BTNL3: variants seen among roughly 807,000 people sequenced by gnomAD.
BTNL3 encodes the protein butyrophilin like 3, also known as butyrophilin-like protein 3.
A neutral mutation model predicts 40.1 loss-of-function variants in BTNL3; 20 were observed. The ratio of observed to expected loss-of-function variants is 0.50; its 90% CI spans 0.35 to 0.72. The LOEUF is 0.72. Ranked by LOEUF, BTNL3 falls within the 30% of genes least tolerant of loss-of-function variation. The pLI, the probability that BTNL3 is intolerant of heterozygous loss-of-function variation, is 0.01. For missense variants in BTNL3, 449 were observed against 582.2 expected (o/e 0.77, Z 2.35); for synonymous variants, 179 against 222.1 (o/e 0.81, Z 1.73).
In BTNL3 at chr5:180,996,488, G is replaced by A. The variant is rs1204785374; in HGVS notation, c.398-725G>A. ...CTGGTCTACAGTTCTTAAAGTGGCT[G>A]TGGGCAAGTCCACGTTGCTCAGGTC... On this transcript the variant is annotated intron_variant, in intron 2 of 7. Coordinates refer to ENST00000342868, the MANE Select transcript of BTNL3 (RefSeq NM_197975.3). Among the ~76,000 whole-genome samples, 4 of 136,860 alleles carry A rather than the reference G, an allele frequency of 2.9e-5. 1 individual carries two copies. Among genetic ancestry groups the A allele is most frequent in the East Asian group, 2.2e-4 (1 of 4,590 alleles). The allele number at this position is 136,860 out of a possible 152,430, so 89.8% of individuals were successfully genotyped here.
At position 181,005,737 on chromosome 5, in the gene BTNL3, T is replaced by C. The variant is rs766449997; in HGVS notation, c.1266T>C (p.Asn422=). The change falls in exon 8 of 8, where the codon AAT becomes AAC. Residue 422 remains asparagine (N), a synonymous_variant. Transcript: ENST00000342868. ...DYEGGTISFF[N]TNDQSLIYTL... Reference sequence around the variant, plus strand: ...AGGGTGGGACCATCTCCTTCTTCAATACAAATGACCAGTCCCTTATTTATA... The same window carrying C: ...AGGGTGGGACCATCTCCTTCTTCAACACAAATGACCAGTCCCTTATTTATA... 1.4e-5 allele frequency: 22 copies of C among 1,613,984 alleles called. No individual in the cohort carries two copies. In the African/African-American group the frequency reaches 1.9e-4, roughly 14 times the overall value.
In BTNL3 at chr5:181,006,072, G is replaced by T. The variant is rs1259254313; in HGVS notation, c.*200G>T. On this transcript the variant is annotated 3_prime_UTR_variant, in exon 8 of 8. Coordinates refer to ENST00000342868, the MANE Select transcript of BTNL3 (RefSeq NM_197975.3). Reference sequence around the variant, plus strand: ...CAGTCACAGCTTCCAGATGAGGGGGGATTGGCCTGACCCTGTGGGAGTCAG... The same window carrying T: ...CAGTCACAGCTTCCAGATGAGGGGGTATTGGCCTGACCCTGTGGGAGTCAG... 5.1e-6 allele frequency: 3 copies of T among 591,220 alleles called. No individual in the cohort carries two copies. Among genetic ancestry groups the T allele is most frequent in the East Asian group, 5.7e-5 (2 of 35,154 alleles). 36.6% of individuals were successfully genotyped at this position (591,220 alleles called of 1,614,324 possible).
intron 7 of BTNL3, 60 bp from the exon 8 acceptor site, chr5:181,005,274 C>T (rs1760200190): frequency 1.9e-6 from 3 of 1,596,422 alleles, no homozygotes; most frequent in Non-Finnish European, 2.6e-6. Flanking sequence ...CGACCTCTTG[C>T]TCCAGCCCAG....
chr5:180,993,199 C>T, intron 2 of BTNL3, 39 bp downstream of exon 2: 1 of 1,401,314 alleles, frequency 7.1e-7, no homozygotes, highest in Non-Finnish European at 9.7e-7. Flanking sequence ...CTTGTAAAGT[C>T]ATGCTACCAT....
intron 6 of BTNL3, 132 bp downstream of exon 6, chr5:181,004,575 C>T (rs983582168): frequency 3.3e-6 from 5 of 1,533,826 alleles, no homozygotes; most frequent in African/African-American, 2.7e-5. Flanking sequence ...ATTGCAGATT[C>T]TGGGGGAGGT....
chr5:180,999,832 T>C (rs1011630846), intron 3 of BTNL3, among the ~76,000 whole-genome samples: 1 of 135,110 alleles, frequency 7.4e-6, no homozygotes, highest in African/African-American at 2.5e-5. Context: ...AAACGTAAAA[T>C]ACAAAATCCG....
At chr5:180,992,361 T>C (rs1189401213) in intron 1 of BTNL3, among the ~76,000 whole-genome samples, 4 of 137,572 alleles carry the variant, frequency 2.9e-5, no homozygotes, top group Non-Finnish European at 6.7e-5. Context: ...AAATTCGATA[T>C]TTTATGGCCA....
At position 180,992,854 on chromosome 5, in the gene BTNL3, T is replaced by C; in HGVS notation, c.91T>C (p.Leu31=). The C allele has an allele frequency of 6.8e-7, 1 of 1,462,976 alleles. No homozygotes were observed. The highest frequency in any genetic ancestry group is 1.1e-5 in the South Asian group (1 of 89,280). The allele number at this position is 1,462,976 out of a possible 1,614,324, so 90.6% of individuals were successfully genotyped here. The change falls in exon 2 of 8, where the codon TTG becomes CTG. Residue 31 remains leucine, a synonymous_variant. Coordinates refer to ENST00000342868, the MANE Select transcript of BTNL3 (RefSeq NM_197975.3). ...VTGPGKFVQA[L]VGEDAVFSCS... ...TGGACCGGGCAAGTTTGTCCAGGCC[T>C]TGGTGGGGGAGGACGCCGTGTTCTC... is the stretch of plus-strand genomic sequence containing the variant.
chr5:180,999,040 T>C (rs1760071539), intron 3 of BTNL3, among the ~76,000 whole-genome samples: 1 of 136,036 alleles, frequency 7.4e-6, no homozygotes, highest in Admixed American at 7.8e-5. Flanking sequence ...GGCAGGAGAA[T>C]TGCTTGAACC....
rs1463161368 is a variant in BTNL3, at chr5:181,003,480, C to A, written c.788-376C>A. ...TTCATAGAAGAGGAAATAAAACTGA[C>A]TGACTGAGATAAAATGATAATCTCA... On this transcript the variant is annotated intron_variant, in intron 4 of 7. Coordinates refer to ENST00000342868, the MANE Select transcript of BTNL3 (RefSeq NM_197975.3). 4.4e-5 allele frequency among the ~76,000 whole-genome samples: 6 copies of A among 137,390 alleles called. 1 individual carries two copies. In the East Asian group the frequency reaches 1.3e-3, roughly 30 times the overall value. 90.1% of individuals were successfully genotyped at this position (137,390 alleles called of 152,430 possible).
intron 1 of BTNL3, among the ~76,000 whole-genome samples, chr5:180,989,806 T>G (rs1759945338): frequency 7.3e-6 from 1 of 136,634 alleles, no homozygotes; most frequent in Non-Finnish European, 1.7e-5. Context: ...TCCTGCTATT[T>G]GTCTACCTAT....
At position 181,002,746 on chromosome 5, in the gene BTNL3, G is replaced by A; in HGVS notation, c.748G>A (p.Val250Ile). ...LGLLCGALCG[V>I]VMGMIIVFFK... The stretch of plus-strand genomic sequence containing the variant: ...GTTACTCTGTGGTGCCCTGTGTGGT[G>A]TTGTCATGGGGATGATAATTGTTTT... Residue 250 changes from valine to isoleucine, a missense_variant, in exon 4 of 8, where the codon GTT (valine) becomes ATT (isoleucine). Val to Ile is a conservative substitution (Grantham distance 29, BLOSUM62 3). This residue lies in a region of BTNL3 where 323 missense variants were observed against 464.9 expected (regional missense o/e 0.69). Transcript: ENST00000342868. 6.9e-7 allele frequency: 1 copy of A among 1,455,800 alleles called. No homozygotes were observed. The highest frequency in any genetic ancestry group is 9.5e-7 in the Non-Finnish European group (1 of 1,055,050). 90.2% of individuals were successfully genotyped at this position (1,455,800 alleles called of 1,614,324 possible).
At chr5:181,002,376 G>A (rs866810564) in intron 3 of BTNL3, among the ~76,000 whole-genome samples, 1 of 81,596 alleles carries the variant, frequency 1.2e-5, no homozygotes, top group Admixed American at 1.6e-4. Context: ...ACGTGTGTGT[G>A]TATATATATA....
chr5:180,989,169 G>GCACCAAA, intron 1 of BTNL3, 92 bp downstream of exon 1: 1 of 1,274,656 alleles, frequency 7.8e-7, no homozygotes, highest in Non-Finnish European at 1.1e-6. Context: ...GTGAGATGCA[G>GCACCAAA]GAATCTTTGG....
At chr5:181,004,819 G>T (rs1760189631) in intron 7 of BTNL3, 57 bp downstream of exon 7, 3 of 1,613,928 alleles carry the variant, frequency 1.9e-6, no homozygotes, top group African/African-American at 2.7e-5. Flanking sequence ...ACCAGTGACA[G>T]ATATGGAGCC....
intron 2 of BTNL3, 30 bp from the exon 3 acceptor site, chr5:180,997,183 T>C (rs776456516): frequency 6.8e-7 from 1 of 1,463,116 alleles, no homozygotes; most frequent in Non-Finnish European, 9.4e-7. Context: ...ATTTGGTCTT[T>C]GCTTTCATCT....
Position 181,005,924 on chromosome 5 carries a change from C to T in BTNL3, c.*52C>T. ...CCCACACCACAGACCCAGACACAGC[C>T]AAGGGAGAGTGCTCCCGACAGGTGG... On this transcript the variant is annotated 3_prime_UTR_variant, in exon 8 of 8. Coordinates refer to ENST00000342868, the MANE Select transcript of BTNL3 (RefSeq NM_197975.3). 1.3e-6 allele frequency: 2 copies of T among 1,508,624 alleles called. No individual in the cohort carries two copies. Among genetic ancestry groups the T allele is most frequent in the Non-Finnish European group, 1.8e-6 (2 of 1,128,888 alleles). The allele number at this position is 1,508,624 out of a possible 1,614,324, so 93.5% of individuals were successfully genotyped here. A position where few individuals can be genotyped will look rare whatever the true frequency, so the allele number is the denominator to read the frequency against.
In BTNL3 at chr5:181,002,364, ACACG is replaced by A. The variant is rs1760124515; in HGVS notation, c.674-307_674-304del. On this transcript the variant is annotated intron_variant, in intron 3 of 7. Transcript: ENST00000342868. Reference sequence around the variant, plus strand: ...GACATAGACACACACACACACACACACACGTGTGTGTGTATATATATATATATAT... The same window carrying A: ...GACATAGACACACACACACACACACATGTGTGTGTATATATATATATATAT... Among the ~76,000 whole-genome samples the A allele has an allele frequency of 5.5e-5, 3 of 54,284 alleles. No individual in the cohort carries two copies. In the South Asian group the frequency reaches 1.9e-3, roughly 34 times the overall value. The allele number at this position is 54,284 out of a possible 152,430, so 35.6% of individuals were successfully genotyped here.
chr5:180,991,984 G>A (rs770037886), intron 1 of BTNL3, among the ~76,000 whole-genome samples: 8 of 137,638 alleles, frequency 5.8e-5, no homozygotes, highest in South Asian at 4.3e-4. Context: ...GTGTTGGACC[G>A]TATTCAAAGC....
Sources: allele counts gnomAD v4.1 joint callset (sites outside exome capture counted in the v4.1 genomes callset), GRCh38; gene constraint gnomAD v4.1.1; regional missense constraint gnomAD v4.1.1; transcripts MANE v1.5; gene names NCBI Gene and HGNC (gene_info 2026-07-23, HGNC 2026-07-21).